Variants in SLC30A4 observed in about 807,000 individuals in gnomAD.
SLC30A4 encodes solute carrier family 30 member 4.
Under a neutral mutation model 41.7 loss-of-function variants are expected in SLC30A4, and 20 were observed. That is an observed-to-expected ratio of 0.48 (90% CI 0.34 to 0.70). The LOEUF is 0.70. SLC30A4 is among the 30% of genes least tolerant of loss of function. The probability of loss-of-function intolerance (pLI) is 0.01; values close to 1 mark genes in which losing one functional copy is unlikely to be tolerated. For missense variants in SLC30A4, 441 were observed against 529.3 expected (o/e 0.83, Z 1.64); for synonymous variants, 181 against 195.9 (o/e 0.92, Z 0.64).
At chr15:45,495,335 T>G (rs1202941558) in intron 3 of SLC30A4, among the ~76,000 whole-genome samples, 1 of 152,210 alleles carries the variant, frequency 6.6e-6, no homozygotes, top group Non-Finnish European at 1.5e-5. Flanking sequence ...TAGTTTATGT[T>G]TGCTGTTCTG....
intron 3 of SLC30A4, among the ~76,000 whole-genome samples, chr15:45,505,256 G>GAAAAAAAAAAAAAAAAA (rs1892130281): frequency 7.7e-6 from 1 of 129,238 alleles, no homozygotes; most frequent in African/African-American, 2.9e-5. Context: ...AAAAAAAAAA[G>GAAAAAAAAAAAAAAAAA]AAAGAAAAGA....
intron 2 of SLC30A4, chr15:45,521,107 G>T: frequency 2.4e-6 from 1 of 412,558 alleles, no homozygotes; most frequent in Non-Finnish European, 4.9e-6. Flanking sequence ...TTTTTGTCAT[G>T]GTTCATCATT....
At chr15:45,509,891 G>C (rs527236689) in intron 3 of SLC30A4, among the ~76,000 whole-genome samples, 2 of 151,998 alleles carry the variant, frequency 1.3e-5, no homozygotes, top group Admixed American at 1.3e-4. Flanking sequence ...CCCCCTTGTA[G>C]GTAGGCCCTG....
chr15:45,499,472 T>C (rs1374988506), intron 3 of SLC30A4, among the ~76,000 whole-genome samples: 2 of 152,120 alleles, frequency 1.3e-5, no homozygotes, highest in South Asian at 2.1e-4. Flanking sequence ...ATTATCTTTA[T>C]CTAATTCGCA....
chr15:45,499,695 T>C (rs1356587208), intron 3 of SLC30A4, among the ~76,000 whole-genome samples: 1 of 152,184 alleles, frequency 6.6e-6, no homozygotes, highest in Admixed American at 6.6e-5. Flanking sequence ...TTTCATTACA[T>C]TCAAAATTGT....
intron 2 of SLC30A4, among the ~76,000 whole-genome samples, chr15:45,521,484 C>T (rs1892664425): frequency 1.3e-5 from 2 of 151,980 alleles, no homozygotes; most frequent in South Asian, 4.1e-4. Context: ...CATTAACTCC[C>T]TAAGTGGCCC....
rs1891759630 is a variant in SLC30A4, at chr15:45,489,044, T to G, written c.693-2A>C. Reference sequence around the variant, plus strand: ...GACTGGTTCAACAGAAACCCCATTCTGTTAAAAATAAAAGAAAACATTATT... The same window carrying G: ...GACTGGTTCAACAGAAACCCCATTCGGTTAAAAATAAAAGAAAACATTATT... On this transcript the variant is annotated splice_acceptor_variant, in intron 4 of 7. Coordinates refer to ENST00000261867, the MANE Select transcript of SLC30A4 (RefSeq NM_013309.6). LOFTEE classifies it high-confidence loss of function. The G allele has an allele frequency of 6.3e-7, 1 of 1,593,840 alleles. No homozygotes were observed. The highest frequency in any genetic ancestry group is 1.8e-5 in the Admixed American group (1 of 55,518).
intron 2 of SLC30A4, among the ~76,000 whole-genome samples, chr15:45,514,273 G>A (rs1286255661): frequency 6.6e-6 from 1 of 151,596 alleles, no homozygotes; most frequent in Non-Finnish European, 1.5e-5. Context: ...GAACCCAGGA[G>A]GCGGAGGTTA....
At position 45,479,651 on chromosome 15, in the gene SLC30A4, C is replaced by A. The variant is rs919935943; in HGVS notation, c.*5512G>T. ...TTTATTTCTTAAACATATAAGAGGG[C>A]ATTATAAAATGACATTATAATTATA... On this transcript the variant is annotated 3_prime_UTR_variant, in exon 8 of 8. Coordinates refer to ENST00000261867, the MANE Select transcript of SLC30A4 (RefSeq NM_013309.6). 7.2e-5 allele frequency: 11 copies of A among 151,828 alleles called. No homozygotes were observed. Among genetic ancestry groups the A allele is most frequent in the Non-Finnish European group, 1.5e-5 (1 of 67,990 alleles). The allele number at this position is 151,828 out of a possible 1,614,324, so 9.4% of individuals were successfully genotyped here.
At chr15:45,497,733 G>C (rs1446533003) in intron 3 of SLC30A4, among the ~76,000 whole-genome samples, 1 of 152,114 alleles carries the variant, frequency 6.6e-6, no homozygotes, top group Non-Finnish European at 1.5e-5. Context: ...AAAACTAGGA[G>C]TTTTCAAGGT....
chr15:45,522,334 C>A lies in SLC30A4; in HGVS notation c.21G>T (p.Trp7Cys), dbSNP rs1377504169. 1.2e-6 allele frequency: 2 copies of A among 1,612,246 alleles called. No individual in the cohort carries two copies. The highest frequency in any genetic ancestry group is 1.1e-5 in the South Asian group (1 of 91,008). The change falls in exon 2 of 8, where the codon TGG becomes TGT. Residue 7 changes from tryptophan (W) to cysteine (C), a missense_variant. Physicochemically the swap from Trp to Cys is radical, Grantham distance 215 (BLOSUM62 -2). Coordinates refer to ENST00000261867, the MANE Select transcript of SLC30A4 (RefSeq NM_013309.6). ...TCCTTAGCATAGATTTGAGGCGCTT[C>A]CACGCGCCAGAGCCGGCCATGGCAG... MAGSGA[W>C]KRLKSMLRKD... is the part of the protein sequence containing the mutation.
intron 3 of SLC30A4, among the ~76,000 whole-genome samples, chr15:45,504,322 A>G (rs1892103923): frequency 6.6e-6 from 1 of 152,236 alleles, no homozygotes; most frequent in Non-Finnish European, 1.5e-5. Context: ...TTTCATTGGT[A>G]CTTCAAAACT....
chr15:45,490,701 TATTA>T (rs775019693), intron 4 of SLC30A4, 23 bp downstream of exon 4: 1 of 1,536,746 alleles, frequency 6.5e-7, no homozygotes, highest in South Asian at 1.2e-5. Flanking sequence ...TACTTGAAAA[TATTA>T]ATGTGAAAAA....
At chr15:45,487,940 G>GTA (rs1891737051) in intron 5 of SLC30A4, among the ~76,000 whole-genome samples, 1 of 145,336 alleles carries the variant, frequency 6.9e-6, no homozygotes, top group Admixed American at 7.1e-5. Context: ...GTGTGTGTGT[G>GTA]TGTGTCAAAG....
rs528421441 is a variant in SLC30A4, at chr15:45,514,770, G to A, written c.392-3486C>T. On this transcript the variant is annotated intron_variant, in intron 2 of 7. Coordinates refer to ENST00000261867, the MANE Select transcript of SLC30A4 (RefSeq NM_013309.6). The stretch of plus-strand genomic sequence containing the variant: ...CCTCAGGTGATCTGCCCGCCTTGGC[G>A]TCCCAAAGTGCTAGGATTACAGGCA... 3.9e-5 allele frequency among the ~76,000 whole-genome samples: 6 copies of A among 151,970 alleles called. No individual in the cohort carries two copies. The East Asian group carries it at 5.9e-4, about 15-fold the overall frequency.
intron 2 of SLC30A4, among the ~76,000 whole-genome samples, chr15:45,518,374 A>C (rs1267455264): frequency 6.6e-6 from 1 of 152,186 alleles, no homozygotes; most frequent in African/African-American, 2.4e-5. Context: ...AATTCTCCAC[A>C]TAGTAGGGAT....
chr15:45,494,209 G>A (rs1034512114), intron 3 of SLC30A4, among the ~76,000 whole-genome samples: 3 of 152,038 alleles, frequency 2.0e-5, no homozygotes, highest in African/African-American at 7.2e-5. Context: ...TTAAGCAAGG[G>A]AAGATGATAA....
intron 3 of SLC30A4, among the ~76,000 whole-genome samples, chr15:45,496,327 A>T (rs557999817): frequency 2.2e-4 from 34 of 152,254 alleles, no homozygotes; most frequent in African/African-American, 7.7e-4. Flanking sequence ...CCACTCCCCC[A>T]TTTAAGAGAG....
rs1247588187 is a variant in SLC30A4 at position 45,522,295 on chromosome 15, C to A, written c.60G>T (p.Pro20=). The A allele has an allele frequency of 6.2e-7, 1 of 1,613,976 alleles. No individual in the cohort carries two copies. Among genetic ancestry groups the A allele is most frequent in the Non-Finnish European group, 8.5e-7 (1 of 1,180,016 alleles). ...LKSMLRKDDA[P]LFLNDTSAFD... Reference sequence around the variant, plus strand: ...AGGCGCTGGTGTCATTTAAAAACAGCGGCGCATCATCCTTCCTTAGCATAG... The same window carrying A: ...AGGCGCTGGTGTCATTTAAAAACAGAGGCGCATCATCCTTCCTTAGCATAG... The change falls in exon 2 of 8, where the codon CCG becomes CCT. Residue 20 remains proline, a synonymous_variant. Transcript: ENST00000261867.
Sources: gnomAD v4.1 joint callset for allele counts (sites outside exome capture counted in the v4.1 genomes callset) on GRCh38, gnomAD v4.1.1 for gene constraint, MANE v1.5 for transcripts, NCBI Gene and HGNC (gene_info 2026-07-23, HGNC 2026-07-21) for gene names.